The following PRKN variants were observed in gnomAD, a reference collection of about 807,000 sequenced individuals.
PRKN encodes E3 ubiquitin-protein ligase parkin.
A neutral mutation model predicts 59.5 loss-of-function variants in PRKN; 56 were observed. That is an observed-to-expected ratio of 0.94 (90% CI 0.76 to 1.18). PRKN has a LOEUF of 1.18. Among genes scored for constraint, PRKN ranks in the 50% most tolerant of loss-of-function variants. The pLI is 0.00. For synonymous variants in PRKN, 250 were observed against 222.1 expected, an observed-to-expected ratio of 1.13 and a Z score of -1.12; for missense variants, 657 against 596.4, an observed-to-expected ratio of 1.10 and a Z score of -1.06.
In PRKN at chr6:161,363,852, A is replaced by G. The variant is rs561348539; in HGVS notation, c.1168-3647T>C. Among the ~76,000 whole-genome samples, 1 of 152,192 alleles carries G rather than the reference A, an allele frequency of 6.6e-6. No individual in the cohort carries two copies. The highest frequency in any genetic ancestry group is 2.4e-5 in the African/African-American group (1 of 41,460). On this transcript the variant is annotated intron_variant, in intron 10 of 11. Coordinates refer to ENST00000366898, the MANE Select transcript of PRKN (RefSeq NM_004562.3). This position sits in a 1 kb window ranked among gnomAD's most constrained non-coding sequence, Gnocchi z 4.1. ...AAAAAACAGCATTTCCCATCAACAG[A>G]AGTTCATTAAAGAAACATGATTTGG...
At chr6:161,910,168 G>GA (rs1778302064) in intron 6 of PRKN, among the ~76,000 whole-genome samples, 1 of 152,284 alleles carries the variant, frequency 6.6e-6, no homozygotes, top group African/African-American at 2.4e-5. Context: ...TCTTATGGAT[G>GA]AACAAAGAAA....
chr6:162,262,376 C>T, intron 3 of PRKN, 149 bp downstream of exon 3: 3 of 893,268 alleles, frequency 3.4e-6, no homozygotes, highest in East Asian at 2.4e-5. Context: ...AAGTACTCCA[C>T]CTACAGTGAT....
At chr6:161,585,293 T>C (rs994507598) in intron 7 of PRKN, among the ~76,000 whole-genome samples, 1 of 152,228 alleles carries the variant, frequency 6.6e-6, no homozygotes, top group African/African-American at 2.4e-5. Flanking sequence ...ATGTGAGCTT[T>C]GGTTTTCTTG....
intron 3 of PRKN, among the ~76,000 whole-genome samples, chr6:162,220,648 A>G (rs1320660912): frequency 6.6e-6 from 1 of 152,188 alleles, no homozygotes; most frequent in Non-Finnish European, 1.5e-5. Context: ...GACTAAATCA[A>G]TCAACGAAAA....
intron 1 of PRKN, among the ~76,000 whole-genome samples, chr6:162,545,503 A>G (rs1194899326): frequency 6.6e-6 from 1 of 152,166 alleles, no homozygotes; most frequent in African/African-American, 2.4e-5. Flanking sequence ...CCATGGCTAC[A>G]TATAATTTGC....
chr6:162,515,718 C>T (rs1428348369), intron 1 of PRKN, among the ~76,000 whole-genome samples: 5 of 151,988 alleles, frequency 3.3e-5, no homozygotes, highest in Admixed American at 2.0e-4. Context: ...CTCTTCCTAT[C>T]CCCCATCTCT....
At chr6:162,133,179 C>T (rs1325692334) in intron 4 of PRKN, among the ~76,000 whole-genome samples, 1 of 152,150 alleles carries the variant, frequency 6.6e-6, no homozygotes, top group African/African-American at 2.4e-5. Context: ...ACATTGAAGA[C>T]TGATAGGAAT....
intron 2 of PRKN, among the ~76,000 whole-genome samples, chr6:162,409,718 T>G (rs1201978600): frequency 6.6e-6 from 1 of 152,226 alleles, no homozygotes; most frequent in Admixed American, 6.5e-5. Flanking sequence ...ATATTTGGTT[T>G]GTTTAAACTA....
chr6:162,538,829 C>T (rs1393640250), intron 1 of PRKN, among the ~76,000 whole-genome samples: 2 of 152,170 alleles, frequency 1.3e-5, no homozygotes, highest in Non-Finnish European at 2.9e-5. Flanking sequence ...GGAAAAGGCA[C>T]ATTAAAAAGA....
At position 161,461,493 on chromosome 6, in the gene PRKN, G is replaced by T. The variant is rs1396949663; in HGVS notation, c.1084-74616C>A. 1.3e-5 allele frequency among the ~76,000 whole-genome samples: 2 copies of T among 152,182 alleles called. No homozygotes were observed. The highest frequency in any genetic ancestry group is 2.9e-5 in the Non-Finnish European group (2 of 68,040). On this transcript the variant is annotated intron_variant, in intron 9 of 11. Transcript: ENST00000366898. This position sits in a 1 kb window ranked among gnomAD's most constrained non-coding sequence, Gnocchi z 5.1. ...GGGGAATACACTCAAGGCAGGAAGA[G>T]TGTAGGTTGTTCCAGTAGTTGAGGT...
intron 1 of PRKN, among the ~76,000 whole-genome samples, chr6:162,713,876 G>C (rs1417529157): frequency 3.3e-5 from 5 of 152,106 alleles, no homozygotes; most frequent in Non-Finnish European, 7.4e-5. Flanking sequence ...AGGCAAATCA[G>C]TAAATATTCT....
At chr6:162,420,666 A>G (rs1217824739) in intron 2 of PRKN, among the ~76,000 whole-genome samples, 1 of 152,224 alleles carries the variant, frequency 6.6e-6, no homozygotes, top group East Asian at 1.9e-4. Context: ...ACACCCATAA[A>G]TACTACATTA....
intron 4 of PRKN, among the ~76,000 whole-genome samples, chr6:162,200,590 ACAAGCAGTGGCCACAG>A (rs1784684635): frequency 1.3e-5 from 2 of 152,148 alleles, no homozygotes. Context: ...CTGCACAGAA[ACAAGCAGTGGCCACAG>A]CAGACTTCAG....
In PRKN at chr6:162,327,772, C is replaced by A. The variant is rs1050791888; in HGVS notation, c.172-65007G>T. ...GGAAAGTTTTTTTCGGAGATCAGAC[C>A]GTTATGATTTTTGGAAGTGTTTCCT... On this transcript the variant is annotated intron_variant, in intron 2 of 11. Transcript: ENST00000366898. Among the ~76,000 whole-genome samples the A allele has an allele frequency of 2.3e-4, 35 of 152,190 alleles. 3 individuals carry two copies. The highest frequency in any genetic ancestry group is 2.0e-3 in the Admixed American group (31 of 15,278).
intron 2 of PRKN, among the ~76,000 whole-genome samples, chr6:162,417,131 C>A (rs1027479560): frequency 6.6e-6 from 1 of 152,078 alleles, no homozygotes; most frequent in African/African-American, 2.4e-5. Context: ...TACTGAAACT[C>A]CAAGGAGTTT....
chr6:162,374,735 GT>G (rs1785964343), intron 2 of PRKN, among the ~76,000 whole-genome samples: 1 of 151,918 alleles, frequency 6.6e-6, no homozygotes, highest in Non-Finnish European at 1.5e-5. Flanking sequence ...CCAGTTGACA[GT>G]TTATAGATGT....
At chr6:162,290,675 A>G (rs1583322638) in intron 2 of PRKN, among the ~76,000 whole-genome samples, 1 of 152,316 alleles carries the variant, frequency 6.6e-6, no homozygotes, top group Non-Finnish European at 1.5e-5. Context: ...TGGAAAATTA[A>G]TTCTAAAAAA....
intron 9 of PRKN, among the ~76,000 whole-genome samples, chr6:161,482,838 T>C (rs954104097): frequency 3.9e-5 from 6 of 152,216 alleles, no homozygotes; most frequent in African/African-American, 1.2e-4. Flanking sequence ...CTTTTTGGTA[T>C]TAAAACAAAA....
At chr6:161,767,093 C>T (rs1789454824) in intron 7 of PRKN, among the ~76,000 whole-genome samples, 1 of 152,144 alleles carries the variant, frequency 6.6e-6, no homozygotes, top group South Asian at 2.1e-4. Flanking sequence ...CAGGATTAGC[C>T]TCACGACTTA....
Sources: allele counts gnomAD v4.1 joint callset (sites outside exome capture counted in the v4.1 genomes callset), GRCh38; gene constraint gnomAD v4.1.1; non-coding constraint Gnocchi (gnomAD v3.1); transcripts MANE v1.5; gene names NCBI Gene and HGNC (gene_info 2026-07-23, HGNC 2026-07-21).